Variants in SLC45A1 observed in about 807,000 individuals in gnomAD.
The protein encoded by SLC45A1 is proton-associated sugar transporter A.
A neutral mutation model predicts 57.6 loss-of-function variants in SLC45A1; 28 were observed. That is an observed-to-expected ratio of 0.49 (90% confidence interval 0.36 to 0.67). SLC45A1 has a LOEUF of 0.67. SLC45A1 is among the 30% of genes least tolerant of loss of function. SLC45A1 has a pLI of 0.00. For synonymous variants in SLC45A1, 459 were observed against 471.5 expected, an observed-to-expected ratio of 0.97 and a Z score of 0.34; for missense variants, 814 against 1,041.5, an observed-to-expected ratio of 0.78 and a Z score of 3.01.
rs1557572453 is a variant in SLC45A1, at chr1:8,344,033, C to CCTCGACTCT, written c.*20_*21insCTCGACTCT. ...GTCTGACATCGCGGAGCCTCGACTCCGGACACGCGCCTGCACCTGGGGGTC... is the reference window on the plus strand; with the variant it reads ...GTCTGACATCGCGGAGCCTCGACTCCCTCGACTCTGGACACGCGCCTGCACCTGGGGGTC... On this transcript the variant is annotated 3_prime_UTR_variant, in exon 9 of 9. Coordinates refer to ENST00000471889, the MANE Select transcript of SLC45A1 (RefSeq NM_001080397.3). 6.3e-7 allele frequency: 1 copy of CCTCGACTCT among 1,591,260 alleles called. No individual in the cohort carries two copies. The highest frequency in any genetic ancestry group is 8.6e-7 in the Non-Finnish European group (1 of 1,166,690).
At position 8,324,431 on chromosome 1, in the gene SLC45A1, C is replaced by T. The variant is rs758063377; in HGVS notation, c.102C>T (p.Ser34=). The T allele has an allele frequency of 1.4e-5, 22 of 1,612,678 alleles. No homozygotes were observed. The highest frequency in any genetic ancestry group is 4.4e-5 in the South Asian group (4 of 91,076). The change falls in exon 2 of 9, where the codon TCC becomes TCT. Residue 34 remains serine, a synonymous_variant. Transcript: ENST00000471889. ...WRSQVTGYSG[S]VTRHLSHRAN... The stretch of plus-strand genomic sequence containing the variant: ...CCCAGGTCACGGGCTACTCGGGGTC[C>T]GTGACACGACACCTCAGTCACCGGG...
Position 8,330,106 on chromosome 1 carries a change from T to C in SLC45A1, c.716-103T>C, listed in dbSNP as rs1640336543. 9.2e-6 allele frequency: 13 copies of C among 1,409,414 alleles called. No homozygotes were observed. Among genetic ancestry groups the C allele is most frequent in the Non-Finnish European group, 1.3e-5 (13 of 1,030,748 alleles). 87.3% of individuals were successfully genotyped at this position (1,409,414 alleles called of 1,614,324 possible). On this transcript the variant is annotated intron_variant, in intron 4 of 8. Coordinates refer to ENST00000471889, the MANE Select transcript of SLC45A1 (RefSeq NM_001080397.3). The surrounding 1 kb of genome is among the most constrained non-coding windows in gnomAD (Gnocchi z 8.4). ...GGAACAGGTTCTGTGCCCACGTCCC[T>C]GGAATGGCCTTGGCTACCTTCATGT...
Position 8,335,122 on chromosome 1 carries a change from T to C in SLC45A1, c.1444-315T>C, listed in dbSNP as rs1344014486. Among the ~76,000 whole-genome samples the C allele has an allele frequency of 1.3e-5, 2 of 152,186 alleles. No individual in the cohort carries two copies. Among genetic ancestry groups the C allele is most frequent in the Non-Finnish European group, 2.9e-5 (2 of 68,038 alleles). Reference sequence around the variant, plus strand: ...GTGGATCTGAACTGACCCATGTTTTTTCATTTCAAATGTATTTTGCATTTT... The same window carrying C: ...GTGGATCTGAACTGACCCATGTTTTCTCATTTCAAATGTATTTTGCATTTT... On this transcript the variant is annotated intron_variant, in intron 5 of 8. Coordinates refer to ENST00000471889, the MANE Select transcript of SLC45A1 (RefSeq NM_001080397.3). This position sits in a 1 kb window ranked among gnomAD's most constrained non-coding sequence, Gnocchi z 4.1.
At chr1:8,322,826 T>C (rs191405559) in intron 1 of SLC45A1, among the ~76,000 whole-genome samples, 1 of 152,252 alleles carries the variant, frequency 6.6e-6, no homozygotes, top group East Asian at 1.9e-4. Context: ...ATTTAGTCTG[T>C]TGCTTTTTTG....
At position 8,339,409 on chromosome 1, in the gene SLC45A1, T is replaced by A; in HGVS notation, c.1775-84T>A. The A allele has an allele frequency of 5.8e-6, 8 of 1,383,134 alleles. No homozygotes were observed. In the South Asian group the frequency reaches 8.2e-5, roughly 14 times the overall value. The allele number at this position is 1,383,134 out of a possible 1,614,324, so 85.7% of individuals were successfully genotyped here. A position where few individuals can be genotyped will look rare whatever the true frequency, so the allele number is the denominator to read the frequency against. On this transcript the variant is annotated intron_variant, in intron 7 of 8. Coordinates refer to ENST00000471889, the MANE Select transcript of SLC45A1 (RefSeq NM_001080397.3). Reference sequence around the variant, plus strand: ...GGGTCCCACCACTGCTAGCTTCAGGTCAGCCGCCGGGAGGTGGCACTGGAA... The same window carrying A: ...GGGTCCCACCACTGCTAGCTTCAGGACAGCCGCCGGGAGGTGGCACTGGAA...
intron 1 of SLC45A1, among the ~76,000 whole-genome samples, chr1:8,321,324 C>T (rs966192315): frequency 1.3e-5 from 2 of 152,078 alleles, no homozygotes; most frequent in Non-Finnish European, 2.9e-5. Flanking sequence ...TCCAAAGCCA[C>T]AGGATAAGTC....
At position 8,325,493 on chromosome 1, in the gene SLC45A1, C is replaced by A; in HGVS notation, c.490+103C>A. 1 of 847,094 alleles carries A rather than the reference C, an allele frequency of 1.2e-6. No individual in the cohort carries two copies. The highest frequency in any genetic ancestry group is 2.4e-5 in the Admixed American group (1 of 41,896). 52.5% of individuals were successfully genotyped at this position (847,094 alleles called of 1,614,324 possible). The stretch of plus-strand genomic sequence containing the variant: ...AAAAATGTTGACCAAAGCAGTTACC[C>A]AGATAGCTCTGGGCCCGCACTGGTG... On this transcript the variant is annotated intron_variant, in intron 3 of 8. Coordinates refer to ENST00000471889, the MANE Select transcript of SLC45A1 (RefSeq NM_001080397.3). This position sits in a 1 kb window ranked among gnomAD's most constrained non-coding sequence, Gnocchi z 6.3.
intron 6 of SLC45A1, 79 bp from the exon 7 acceptor site, chr1:8,337,737 A>C: frequency 7.4e-7 from 1 of 1,343,000 alleles, no homozygotes; most frequent in Non-Finnish European, 1.0e-6. Context: ...TTTTATAACC[A>C]GTAGACGCAT....
intron 6 of SLC45A1, among the ~76,000 whole-genome samples, chr1:8,337,354 A>G (rs539140173): frequency 3.3e-5 from 5 of 152,344 alleles, no homozygotes; most frequent in African/African-American, 1.2e-4. Context: ...GGGAGCTACA[A>G]TTAGAGATGA....
rs943325083 is a variant in SLC45A1 at position 8,343,538 on chromosome 1, A to G, written c.1981-209A>G. Among the ~76,000 whole-genome samples, 4 of 152,066 alleles carry G rather than the reference A, an allele frequency of 2.6e-5. No homozygotes were observed. In the South Asian group the frequency reaches 8.3e-4, roughly 31 times the overall value. ...TGGGAGCTCAGCCCTCTGCCCCATT[A>G]GTCATGGATTCTTTTCATTGTCGTC... On this transcript the variant is annotated intron_variant, in intron 8 of 8. Transcript: ENST00000471889. The surrounding 1 kb of genome is among the most constrained non-coding windows in gnomAD (Gnocchi z 7.7).
intron 8 of SLC45A1, among the ~76,000 whole-genome samples, chr1:8,340,355 G>C (rs1242155417): frequency 6.6e-6 from 1 of 151,950 alleles, no homozygotes; most frequent in African/African-American, 2.4e-5. Flanking sequence ...GTAGAGACGG[G>C]GTTTCACCAT....
At position 8,330,165 on chromosome 1, in the gene SLC45A1, T is replaced by G; in HGVS notation, c.716-44T>G. 6.3e-7 allele frequency: 1 copy of G among 1,591,008 alleles called. No individual in the cohort carries two copies. On this transcript the variant is annotated intron_variant, in intron 4 of 8. Transcript: ENST00000471889. The surrounding 1 kb of genome is among the most constrained non-coding windows in gnomAD (Gnocchi z 8.4). ...GAACGGGGCCACCGCGTTTGGGGCT[T>G]CTCCTCCCGCAGAAGGGAACTCAAA... is the stretch of plus-strand genomic sequence containing the variant.
In SLC45A1 at chr1:8,343,139, C is replaced by T. The variant is rs116112709; in HGVS notation, c.1981-608C>T. On this transcript the variant is annotated intron_variant, in intron 8 of 8. Transcript: ENST00000471889. The surrounding 1 kb of genome is among the most constrained non-coding windows in gnomAD (Gnocchi z 7.7). ...CCCAGGTCACAGCAATGCCCACTCA[C>T]GCAGCACCTTGCAGGCCGGCTGGTG... Among the ~76,000 whole-genome samples, 1,664 of 152,290 alleles carry T rather than the reference C, an allele frequency of 0.011. 29 individuals carry two copies. Among genetic ancestry groups the T allele is most frequent in the African/African-American group, 0.038 (1,591 of 41,554 alleles).
intron 8 of SLC45A1, among the ~76,000 whole-genome samples, chr1:8,342,101 GGAGGCT>G (rs1366665562): frequency 3.3e-5 from 5 of 152,150 alleles, no homozygotes; most frequent in Admixed American, 2.6e-4. Flanking sequence ...CAGCTACTCT[GGAGGCT>G]GAGGCAGAAG....
chr1:8,324,301 C>T lies in SLC45A1; in HGVS notation c.-24-5C>T. ...CTGTGGCCTCCCCACGGGCTTTCCT[C>T]ACAGGGACGCCCACCAGCCCTCCCC... On this transcript the variant is annotated splice_region_variant and splice_polypyrimidine_tract_variant and intron_variant, in intron 1 of 8. Transcript: ENST00000471889. 1.2e-6 allele frequency: 2 copies of T among 1,602,778 alleles called. No homozygotes were observed. The highest frequency in any genetic ancestry group is 1.7e-6 in the Non-Finnish European group (2 of 1,173,672).
Position 8,337,999 on chromosome 1 carries a change from G to T in SLC45A1, c.1774+7G>T, listed in dbSNP as rs752554974. 2 of 1,611,264 alleles carry T rather than the reference G, an allele frequency of 1.2e-6. No homozygotes were observed. The highest frequency in any genetic ancestry group is 1.7e-6 in the Non-Finnish European group (2 of 1,178,898). ...AGTGCTGCCTTCTACTCAGGTACCCGCTGCCAGCCAGGCTGGCACGGCAGT... is the reference window on the plus strand; with the variant it reads ...AGTGCTGCCTTCTACTCAGGTACCCTCTGCCAGCCAGGCTGGCACGGCAGT... On this transcript the variant is annotated splice_region_variant and intron_variant, in intron 7 of 8. Transcript: ENST00000471889.
In SLC45A1 at chr1:8,328,700, G is replaced by A. The variant is rs1057112476; in HGVS notation, c.716-1509G>A. On this transcript the variant is annotated intron_variant, in intron 4 of 8. Coordinates refer to ENST00000471889, the MANE Select transcript of SLC45A1 (RefSeq NM_001080397.3). The surrounding 1 kb of genome is among the most constrained non-coding windows in gnomAD (Gnocchi z 4.6). Reference sequence around the variant, plus strand: ...CTAAACATACAAAAATTAGCCGGGCGTGGTGGTGAGCGCCTGTAATCCCAG... The same window carrying A: ...CTAAACATACAAAAATTAGCCGGGCATGGTGGTGAGCGCCTGTAATCCCAG... Among the ~76,000 whole-genome samples, 4 of 152,024 alleles carry A rather than the reference G, an allele frequency of 2.6e-5. No homozygotes were observed. The highest frequency in any genetic ancestry group is 5.9e-5 in the Non-Finnish European group (4 of 67,996).
In SLC45A1 at chr1:8,335,580, C is replaced by A; in HGVS notation, c.1587C>A (p.Asn529Lys). 6.2e-7 allele frequency: 1 copy of A among 1,602,704 alleles called. No homozygotes were observed. ...MPKALRTLCVNHFLGWLSFEG... is the reference protein window; with the variant it reads ...MPKALRTLCVKHFLGWLSFEG... ...AGGCGCTACGCACCCTCTGCGTCAA[C>A]CACTTCCTGGGTGAGCTCCCGGCCA... is the stretch of plus-strand genomic sequence containing the variant. Residue 529 changes from asparagine (N) to lysine (K), a missense_variant, in exon 6 of 9, where the codon AAC becomes AAA. Asn to Lys is a moderately conservative substitution (Grantham distance 94). Coordinates refer to ENST00000471889, the MANE Select transcript of SLC45A1 (RefSeq NM_001080397.3). The surrounding 1 kb of genome is among the most constrained non-coding windows in gnomAD (Gnocchi z 4.1).
chr1:8,343,939 CTGTT>C lies in SLC45A1; in HGVS notation c.2177_2180del (p.Phe726SerfsTer20), dbSNP rs1371561866. The C allele has an allele frequency of 5.6e-6, 9 of 1,613,978 alleles. No individual in the cohort carries two copies. Among genetic ancestry groups the C allele is most frequent in the Non-Finnish European group, 7.6e-6 (9 of 1,179,996 alleles). ...CTTCCTGGGCTGCCTGTACTCCTCC[CTGTT>C]TGTCATTTATGAAATTCCTCCCAGC... On this transcript the variant is annotated frameshift_variant, in exon 9 of 9. Coordinates refer to ENST00000471889, the MANE Select transcript of SLC45A1 (RefSeq NM_001080397.3). LOFTEE classifies it high-confidence loss of function. The surrounding 1 kb of genome is among the most constrained non-coding windows in gnomAD (Gnocchi z 7.7).
Sources: allele counts gnomAD v4.1 joint callset (sites outside exome capture counted in the v4.1 genomes callset), GRCh38; gene constraint gnomAD v4.1.1; non-coding constraint Gnocchi (gnomAD v3.1); transcripts MANE v1.5; gene names NCBI Gene and HGNC (gene_info 2026-07-23, HGNC 2026-07-21).